The following ZNF667 variants were observed in gnomAD, a reference collection of about 807,000 sequenced individuals.
ZNF667 encodes the protein myocardial ischemic preconditioning upregulated 1 ortholog.
ZNF667 carries 13 observed loss-of-function variants against 31.8 expected under a neutral mutation model. The observed-to-expected ratio is 0.41, with a 90% CI of 0.27 to 0.65. The LOEUF is 0.65. ZNF667 is among the 30% of genes least tolerant of loss of function. The probability of loss-of-function intolerance (pLI) is 0.32; values close to 1 mark genes in which losing one functional copy is unlikely to be tolerated. For synonymous variants in ZNF667, 228 were observed against 247.1 expected (o/e 0.92, Z 0.73); for missense variants, 642 against 725.6 (o/e 0.88, Z 1.32).
intron 5 of ZNF667, among the ~76,000 whole-genome samples, chr19:56,459,667 TCAA>T (rs1323836827): frequency 6.6e-6 from 1 of 152,154 alleles, no homozygotes; most frequent in African/African-American, 2.4e-5. Flanking sequence ...TATTCACCTT[TCAA>T]CAACACCTCT....
intron 5 of ZNF667, among the ~76,000 whole-genome samples, chr19:56,460,416 C>T (rs893084000): frequency 1.6e-4 from 25 of 151,972 alleles, no homozygotes; most frequent in African/African-American, 7.3e-5. Flanking sequence ...CCAGGGGAGA[C>T]GAAGAGTGAC....
Position 56,458,254 on chromosome 19 carries a change from G to A in ZNF667, c.161-7C>T, listed in dbSNP as rs374335485. The A allele has an allele frequency of 9.9e-6, 16 of 1,613,034 alleles. No individual in the cohort carries two copies. The highest frequency in any genetic ancestry group is 8.8e-5 in the South Asian group (8 of 91,038). On this transcript the variant is annotated splice_region_variant and splice_polypyrimidine_tract_variant and intron_variant, in intron 5 of 6. Transcript: ENST00000504904. ...GGTCTCCGAAAGGAAAGACCTGTAC[G>A]TGGGACAAACATGGGAAATGATCAT...
intron 3 of ZNF667, among the ~76,000 whole-genome samples, chr19:56,464,005 C>T (rs1283930753): frequency 6.6e-6 from 1 of 152,018 alleles, no homozygotes; most frequent in African/African-American, 2.4e-5. Flanking sequence ...CTCTGCTTTT[C>T]CAAAGGTTTT....
chr19:56,447,948 C>T (rs1481661488), intron 6 of ZNF667, among the ~76,000 whole-genome samples: 4 of 152,124 alleles, frequency 2.6e-5, no homozygotes, highest in African/African-American at 4.8e-5. Flanking sequence ...AGCCCTCCAG[C>T]GATTGCCCCC....
chr19:56,455,136 C>T (rs1161716191), intron 6 of ZNF667, among the ~76,000 whole-genome samples: 1 of 152,042 alleles, frequency 6.6e-6, no homozygotes, highest in Non-Finnish European at 1.5e-5. Flanking sequence ...ATCATCTCAC[C>T]CCAGTTAAAA....
chr19:56,458,943 A>G (rs2042989618), intron 5 of ZNF667, among the ~76,000 whole-genome samples: 1 of 152,152 alleles, frequency 6.6e-6, no homozygotes, highest in African/African-American at 2.4e-5. Context: ...GCTAATTTAG[A>G]GCTGGTCAGT....
At chr19:56,450,645 A>C (rs1458114227) in intron 6 of ZNF667, among the ~76,000 whole-genome samples, 2 of 152,160 alleles carry the variant, frequency 1.3e-5, no homozygotes, top group Non-Finnish European at 2.9e-5. Flanking sequence ...ACGGACTGAC[A>C]AAAAAACGGC....
rs1175477776 is a variant in ZNF667 at position 56,455,850 on chromosome 19, T to G, written c.253+2305A>C. 2.0e-5 allele frequency among the ~76,000 whole-genome samples: 3 copies of G among 152,218 alleles called. No individual in the cohort carries two copies. The East Asian group carries it at 5.8e-4, about 29-fold the overall frequency. ...CCTGATGTGATTCTTACACACTATA[T>G]GCCTGTATTGAAATATCCTATGTGC... On this transcript the variant is annotated intron_variant, in intron 6 of 6. Transcript: ENST00000504904.
At chr19:56,451,374 G>A (rs2042818461) in intron 6 of ZNF667, among the ~76,000 whole-genome samples, 1 of 151,354 alleles carries the variant, frequency 6.6e-6, no homozygotes, top group Non-Finnish European at 1.5e-5. Context: ...TACAATAATT[G>A]TTGGAGACTT....
intron 6 of ZNF667, among the ~76,000 whole-genome samples, chr19:56,455,054 T>A (rs755776723): frequency 6.6e-6 from 1 of 152,124 alleles, no homozygotes; most frequent in Non-Finnish European, 1.5e-5. Flanking sequence ...TACGTACACA[T>A]GGCAAACAGG....
At position 56,441,197 on chromosome 19, in the gene ZNF667, G is replaced by GA; in HGVS notation, c.1797dup (p.Arg600SerfsTer8). On this transcript the variant is annotated frameshift_variant, in exon 7 of 7. Transcript: ENST00000504904. LOFTEE classifies it high-confidence loss of function. The surrounding 1 kb of genome is among the most constrained non-coding windows in gnomAD (Gnocchi z 4.2). The stretch of plus-strand genomic sequence containing the variant: ...TCTTCAGAATGTGTATTCTGATGTC[G>GA]AATCAGGGATGAACTCCGACTATAT... The GA allele has an allele frequency of 6.2e-7, 1 of 1,612,610 alleles. No homozygotes were observed. The highest frequency in any genetic ancestry group is 8.5e-7 in the Non-Finnish European group (1 of 1,178,928).
chr19:56,476,935 T>C (rs1004776346), intron 1 of ZNF667: 4 of 153,126 alleles, frequency 2.6e-5, no homozygotes, highest in Non-Finnish European at 4.4e-5. Flanking sequence ...AATGGCTCCA[T>C]TGTTTCCTTC....
intron 6 of ZNF667, among the ~76,000 whole-genome samples, chr19:56,448,680 C>T (rs1286275215): frequency 6.6e-6 from 1 of 151,392 alleles, no homozygotes; most frequent in Non-Finnish European, 1.5e-5. Context: ...AGGCCTCATT[C>T]TAGGCCATAG....
chr19:56,468,661 C>T (rs955102616), intron 3 of ZNF667: 4 of 152,146 alleles, frequency 2.6e-5, no homozygotes, highest in African/African-American at 7.2e-5. Context: ...GACTTGTCTC[C>T]GATATTTTGG....
chr19:56,451,763 G>GT (rs1401779477), intron 6 of ZNF667, among the ~76,000 whole-genome samples: 1 of 149,528 alleles, frequency 6.7e-6, no homozygotes, highest in Non-Finnish European at 1.5e-5. Context: ...CAGCTACTCA[G>GT]TAGGCCAAGG....
At chr19:56,456,901 A>G (rs1270458979) in intron 6 of ZNF667, among the ~76,000 whole-genome samples, 1 of 152,224 alleles carries the variant, frequency 6.6e-6, no homozygotes, top group Non-Finnish European at 1.5e-5. Flanking sequence ...TTAATAAAGG[A>G]TATTTCTTCA....
In ZNF667 at chr19:56,462,281, T is replaced by C. The variant is rs1450304364; in HGVS notation, c.33+57A>G. 4 of 1,606,682 alleles carry C rather than the reference T, an allele frequency of 2.5e-6. No individual in the cohort carries two copies. In the African/African-American group the frequency reaches 5.3e-5, roughly 21 times the overall value. On this transcript the variant is annotated intron_variant, in intron 4 of 6. Transcript: ENST00000504904. ...GTCTCCATGGAAGGAAAGCAAATGG[T>C]CCACATCTCACAAGACACGATGGGG...
chr19:56,452,394 T>C (rs2042850117), intron 6 of ZNF667, among the ~76,000 whole-genome samples: 1 of 151,880 alleles, frequency 6.6e-6, no homozygotes, highest in African/African-American at 2.4e-5. Flanking sequence ...TCAAAACAAA[T>C]GATAATGAAA....
rs76908229 is a variant in ZNF667, at chr19:56,467,730, T to G, written c.-60+3969A>C. ...CAGCTTACAGAACTCAGGCAAATAC[T>G]GACATTTACTGGTTGATTATGAAGG... On this transcript the variant is annotated intron_variant, in intron 3 of 6. Coordinates refer to ENST00000504904, the MANE Select transcript of ZNF667 (RefSeq NM_001321356.2). The G allele has an allele frequency of 2.0e-5, 3 of 152,362 alleles. No homozygotes were observed. The East Asian group carries it at 5.8e-4, about 29-fold the overall frequency. The allele number at this position is 152,362 out of a possible 1,614,324, so 9.4% of individuals were successfully genotyped here. A position where few individuals can be genotyped will look rare whatever the true frequency, so the allele number is the denominator to read the frequency against.
Sources: allele counts gnomAD v4.1 joint callset (sites outside exome capture counted in the v4.1 genomes callset), GRCh38; gene constraint gnomAD v4.1.1; non-coding constraint Gnocchi (gnomAD v3.1); transcripts MANE v1.5; gene names NCBI Gene and HGNC (gene_info 2026-07-23, HGNC 2026-07-21).